CACNA1A: variants seen among roughly 807,000 people sequenced by gnomAD.
CACNA1A encodes voltage-dependent P/Q-type calcium channel subunit alpha-1A.
CACNA1A carries 57 observed loss-of-function variants against 262.4 expected under a neutral mutation model. The observed-to-expected ratio is 0.22, with a 90% CI of 0.18 to 0.27. The LOEUF (loss-of-function observed/expected upper bound fraction) is 0.27, where lower values mean the gene tolerates loss of function less well. CACNA1A is among the 10% of genes least tolerant of loss of function. CACNA1A has a pLI of 1.00. For synonymous variants in CACNA1A, 1,431 were observed against 1,419.3 expected, an observed-to-expected ratio of 1.01 and a Z score of -0.18; for missense variants, 2,526 against 3,562.8, an observed-to-expected ratio of 0.71 and a Z score of 7.41.
At chr19:13,303,412 G>A in intron 17 of CACNA1A, 134 bp downstream of exon 17, 1 of 642,440 alleles carries the variant, frequency 1.6e-6, no homozygotes, top group Non-Finnish European at 2.7e-6. Flanking sequence ...TCTTTGCATG[G>A]TGCATCCCCG....
intron 18 of CACNA1A, among the ~76,000 whole-genome samples, chr19:13,299,912 C>T (rs992867465): frequency 6.6e-6 from 1 of 152,174 alleles, no homozygotes; most frequent in Non-Finnish European, 1.5e-5. Flanking sequence ...GATCATCAGG[C>T]ATTCGATTCT....
intron 12 of CACNA1A, among the ~76,000 whole-genome samples, chr19:13,311,609 G>A (rs1457698296): frequency 2.0e-5 from 3 of 152,172 alleles, no homozygotes; most frequent in Non-Finnish European, 2.9e-5. Flanking sequence ...AGGCCAAGGC[G>A]GGTGGATCAC....
At chr19:13,286,424 T>A (rs917924104) in intron 20 of CACNA1A, 79 bp downstream of exon 20, 1 of 679,872 alleles carries the variant, frequency 1.5e-6, no homozygotes, top group Non-Finnish European at 2.4e-6. Flanking sequence ...GGGGTCACAG[T>A]CCAGGGTCAC....
At chr19:13,412,251 G>A (rs1366800166) in intron 3 of CACNA1A, among the ~76,000 whole-genome samples, 2 of 151,626 alleles carry the variant, frequency 1.3e-5, no homozygotes, top group Non-Finnish European at 2.9e-5. Flanking sequence ...GCAGAAAAGA[G>A]GTCTCACTGT....
intron 3 of CACNA1A, among the ~76,000 whole-genome samples, chr19:13,402,887 TATATA>T (rs2059932429): frequency 1.1e-5 from 1 of 94,892 alleles, no homozygotes; most frequent in African/African-American, 4.5e-5. Context: ...TATATATATA[TATATA>T]TATATATATA....
intron 5 of CACNA1A, chr19:13,364,630 T>A (rs1290974602): frequency 6.7e-6 from 1 of 149,246 alleles, no homozygotes; most frequent in Non-Finnish European, 1.5e-5. Context: ...GTTCTTTTTT[T>A]ATTTATATTT....
At chr19:13,471,585 T>C (rs2061347862) in intron 1 of CACNA1A, among the ~76,000 whole-genome samples, 2 of 152,208 alleles carry the variant, frequency 1.3e-5, no homozygotes, top group Admixed American at 1.3e-4. Flanking sequence ...GAAATATCTA[T>C]AATCTCAGTA....
At chr19:13,259,343 G>GTTTTTT (rs2056664612) in intron 27 of CACNA1A, 6 of 79,838 alleles carry the variant, frequency 7.5e-5, no homozygotes, top group Admixed American at 1.6e-4. Context: ...TTTTTTTTTT[G>GTTTTTT]GGATTTTTAG....
chr19:13,213,939 G>A, intron 40 of CACNA1A: 1 of 338,294 alleles, frequency 3.0e-6, no homozygotes. Flanking sequence ...TCCCATCTTG[G>A]CCTCCTAAAT....
At chr19:13,364,214 T>C (rs62111186) in intron 5 of CACNA1A, 37,485 of 152,362 alleles carry the variant, frequency 0.25, 8,454 homozygotes, top group African/African-American at 0.58. Flanking sequence ...GTATCTCTGG[T>C]ACATCCTGGG....
At chr19:13,503,748 G>T (rs1346620943) in intron 1 of CACNA1A, among the ~76,000 whole-genome samples, 1 of 151,782 alleles carries the variant, frequency 6.6e-6, no homozygotes, top group African/African-American at 2.4e-5. Context: ...GAGTAGGGCT[G>T]TATAATGTGT....
At chr19:13,210,549 C>A in intron 44 of CACNA1A, 68 bp downstream of exon 44, 1 of 1,396,620 alleles carries the variant, frequency 7.2e-7, no homozygotes, top group South Asian at 1.3e-5. Context: ...ACGGGACTCC[C>A]TGGAGGGGGG....
Position 13,206,685 on chromosome 19 carries a change from A to AT in CACNA1A, c.*627dup, listed in dbSNP as rs869284019. 7.9e-6 allele frequency: 1 copy of AT among 126,442 alleles called. No homozygotes were observed. Among genetic ancestry groups the AT allele is most frequent in the East Asian group, 2.1e-4 (1 of 4,652 alleles). The allele number at this position is 126,442 out of a possible 1,614,324, so 7.8% of individuals were successfully genotyped here. A position where few individuals can be genotyped will look rare whatever the true frequency, so the allele number is the denominator to read the frequency against. Reference sequence around the variant, plus strand: ...TTTAAAATTGTTTATTGTTATTATTATTTTTTTAAATTGATTTCTGCAGGC... The same window carrying AT: ...TTTAAAATTGTTTATTGTTATTATTATTTTTTTTAAATTGATTTCTGCAGGC... On this transcript the variant is annotated 3_prime_UTR_variant, in exon 47 of 47. Coordinates refer to ENST00000360228, the MANE Select transcript of CACNA1A (RefSeq NM_001127222.2).
chr19:13,482,948 T>C (rs1339236600), intron 1 of CACNA1A, among the ~76,000 whole-genome samples: 2 of 151,624 alleles, frequency 1.3e-5, no homozygotes, highest in Non-Finnish European at 2.9e-5. Flanking sequence ...TCTTCCTCCT[T>C]CTCTATTTCA....
At chr19:13,298,499 TTAA>T (rs769970118) in intron 19 of CACNA1A, 42 bp downstream of exon 19, 51 of 1,476,584 alleles carry the variant, frequency 3.5e-5, no homozygotes, top group Non-Finnish European at 4.2e-5. Context: ...GTTGTCATTA[TTAA>T]TGTTACCGTC....
At chr19:13,312,373 G>C (rs897334183) in intron 12 of CACNA1A, among the ~76,000 whole-genome samples, 1 of 152,118 alleles carries the variant, frequency 6.6e-6, no homozygotes, top group Admixed American at 6.6e-5. Flanking sequence ...TAGTTGGAGC[G>C]ACACAGGCAA....
intron 24 of CACNA1A, among the ~76,000 whole-genome samples, chr19:13,264,797 C>T (rs142597695): frequency 1.1e-4 from 16 of 152,178 alleles, no homozygotes; most frequent in African/African-American, 3.1e-4. Context: ...TTTGTTTCTT[C>T]GGTCTCTGGT....
Position 13,334,412 on chromosome 19 carries a change from C to T in CACNA1A, c.1164G>A (p.Glu388=), listed in dbSNP as rs2058520947. ...AGATCCACTCCATGTACCCATTGAG[C>T]TCACGTTCAATCTGTTGTTGCCGCC... is the stretch of plus-strand genomic sequence containing the variant. ...KLRRQQQIER[E]LNGYMEWISK... is the part of the protein sequence containing the mutation. Residue 388 remains glutamate (E), a synonymous_variant, in exon 8 of 47, where the codon GAG becomes GAA. Transcript: ENST00000360228. 6.2e-7 allele frequency: 1 copy of T among 1,609,964 alleles called. No homozygotes were observed. Among genetic ancestry groups the T allele is most frequent in the Non-Finnish European group, 8.5e-7 (1 of 1,176,282 alleles).
chr19:13,269,423 T>C (rs2056959068), intron 24 of CACNA1A, among the ~76,000 whole-genome samples: 1 of 152,194 alleles, frequency 6.6e-6, no homozygotes, highest in South Asian at 2.1e-4. Context: ...TTCCATTTCA[T>C]CATACACAAG....
Sources: gnomAD v4.1 joint callset for allele counts (sites outside exome capture counted in the v4.1 genomes callset) on GRCh38, gnomAD v4.1.1 for gene constraint, MANE v1.5 for transcripts, NCBI Gene and HGNC (gene_info 2026-07-23, HGNC 2026-07-21) for gene names.